Variants in IGF2BP1 observed in about 807,000 individuals in gnomAD.
The protein encoded by IGF2BP1 is insulin like growth factor 2 mRNA binding protein 1.
In IGF2BP1, 11 loss-of-function variants were observed where a neutral mutation model predicts 74.9. The observed-to-expected ratio is 0.15, with a 90% CI of 0.09 to 0.24. IGF2BP1 has a LOEUF of 0.24. Ranked by LOEUF, IGF2BP1 falls within the 10% of genes least tolerant of loss-of-function variation. IGF2BP1 has a pLI of 1.00. For synonymous variants in IGF2BP1, 287 were observed against 281.8 expected, an observed-to-expected ratio of 1.02 and a Z score of -0.18; for missense variants, 440 against 757.4, an observed-to-expected ratio of 0.58 and a Z score of 4.92.
chr17:49,023,203 A>G (rs374628803), intron 2 of IGF2BP1, among the ~76,000 whole-genome samples: 1 of 152,206 alleles, frequency 6.6e-6, no homozygotes, highest in Non-Finnish European at 1.5e-5. Context: ...GTCTGATGGC[A>G]TCTGGGGACC....
At chr17:49,039,583 C>G (rs1489223632) in intron 6 of IGF2BP1, among the ~76,000 whole-genome samples, 1 of 152,124 alleles carries the variant, frequency 6.6e-6, no homozygotes, top group Non-Finnish European at 1.5e-5. Context: ...CACCACCACA[C>G]CCAGCTAAAT....
chr17:49,012,197 G>A (rs765073983), intron 2 of IGF2BP1, among the ~76,000 whole-genome samples: 1 of 152,150 alleles, frequency 6.6e-6, no homozygotes. Context: ...GAGCCACCGT[G>A]CCCGGCCAGT....
At chr17:49,025,360 G>A (rs552880311) in intron 2 of IGF2BP1, among the ~76,000 whole-genome samples, 20 of 145,628 alleles carry the variant, frequency 1.4e-4, no homozygotes, top group Non-Finnish European at 2.4e-4. Context: ...GTGTGTGTTG[G>A]GAATGTTAAC....
At chr17:49,015,150 T>C (rs1183959662) in intron 2 of IGF2BP1, among the ~76,000 whole-genome samples, 1 of 152,128 alleles carries the variant, frequency 6.6e-6, no homozygotes, top group Non-Finnish European at 1.5e-5. Context: ...TTTTTGTATT[T>C]TTAGTAGAGA....
chr17:49,019,020 A>C (rs2041742364), intron 2 of IGF2BP1, among the ~76,000 whole-genome samples: 2 of 152,052 alleles, frequency 1.3e-5, no homozygotes, highest in Non-Finnish European at 2.9e-5. Context: ...ACCTGCTCCC[A>C]CCTTGCCCTC....
intron 14 of IGF2BP1, among the ~76,000 whole-genome samples, chr17:49,048,145 C>A (rs555182139): frequency 6.6e-6 from 1 of 152,016 alleles, no homozygotes; most frequent in Admixed American, 6.6e-5. Flanking sequence ...AGGGAAGAAC[C>A]TTTTAAGAAG....
chr17:49,040,080 G>A lies in IGF2BP1; in HGVS notation c.807G>A (p.Lys269=). The change falls in exon 7 of 15, where the codon AAG becomes AAA. Residue 269 remains lysine (K), a synonymous_variant. Coordinates refer to ENST00000290341, the MANE Select transcript of IGF2BP1 (RefSeq NM_006546.4). Reference sequence around the variant, plus strand: ...TGGAGATTATGCATAAAGAGGCTAAGGACACCAAAACGTAAGTCTCCAGCT... The same window carrying A: ...TGGAGATTATGCATAAAGAGGCTAAAGACACCAAAACGTAAGTCTCCAGCT... ...MILEIMHKEA[K]DTKTADEVPL... is the part of the protein sequence containing the mutation. 1.9e-6 allele frequency: 3 copies of A among 1,614,118 alleles called. No homozygotes were observed. Among genetic ancestry groups the A allele is most frequent in the Non-Finnish European group, 2.5e-6 (3 of 1,180,028 alleles).
chr17:49,024,225 G>C (rs770261323), intron 2 of IGF2BP1, among the ~76,000 whole-genome samples: 1 of 151,106 alleles, frequency 6.6e-6, no homozygotes, highest in Non-Finnish European at 1.5e-5. Context: ...GCCACCGCGC[G>C]TGGCTAAAAA....
At chr17:49,044,958 G>C (rs551956406) in intron 11 of IGF2BP1, 33 bp from the exon 12 acceptor site, 2 of 1,585,444 alleles carry the variant, frequency 1.3e-6, no homozygotes, top group African/African-American at 2.7e-5. Flanking sequence ...TTCCCATAGA[G>C]GGTCCCTCAT....
Position 49,041,458 on chromosome 17 carries a change from A to G in IGF2BP1, c.899A>G (p.Lys300Arg), listed in dbSNP as rs1326197559. The G allele has an allele frequency of 6.2e-7, 1 of 1,614,134 alleles. No individual in the cohort carries two copies. The highest frequency in any genetic ancestry group is 8.5e-7 in the Non-Finnish European group (1 of 1,180,030). The stretch of plus-strand genomic sequence containing the variant: ...ATTGGCAAGGAAGGACGGAACCTGA[A>G]GAAGGTAGAGCAAGATACCGAGACA... The part of the protein sequence containing the change: ...RLIGKEGRNL[K>R]KVEQDTETKI... Residue 300 changes from lysine (K) to arginine (R), a missense_variant, in exon 8 of 15, where the codon AAG becomes AGG. Lys to Arg is a conservative substitution (Grantham distance 26). Coordinates refer to ENST00000290341, the MANE Select transcript of IGF2BP1 (RefSeq NM_006546.4).
intron 2 of IGF2BP1, among the ~76,000 whole-genome samples, chr17:49,012,200 C>T (rs970765174): frequency 2.6e-5 from 4 of 152,112 alleles, no homozygotes; most frequent in Non-Finnish European, 5.9e-5. Flanking sequence ...CCACCGTGCC[C>T]GGCCAGTTGA....
At chr17:49,048,198 A>G (rs1339491668) in intron 14 of IGF2BP1, among the ~76,000 whole-genome samples, 2 of 151,944 alleles carry the variant, frequency 1.3e-5, no homozygotes, top group Admixed American at 1.3e-4. Context: ...TTTACAGTGA[A>G]GCTTATGTAT....
intron 2 of IGF2BP1, among the ~76,000 whole-genome samples, chr17:49,020,007 CACAT>C (rs1260050688): frequency 1.1e-5 from 1 of 90,352 alleles, no homozygotes; most frequent in Non-Finnish European, 2.1e-5. Context: ...CACACACACA[CACAT>C]ATATATACAC....
At chr17:48,997,362 CTTT>C (rs754623540), upstream of IGF2BP1, 7 of 109,260 alleles carry the variant, frequency 6.4e-5, no homozygotes, top group Admixed American at 9.4e-5. This position sits in a 1 kb window ranked among gnomAD's most constrained non-coding sequence, Gnocchi z 4.8. Flanking sequence ...GTGGCTTCTC[CTTT>C]TTTTTTTTTT....
intron 2 of IGF2BP1, among the ~76,000 whole-genome samples, chr17:49,006,871 T>G (rs1426231924): frequency 1.3e-5 from 2 of 152,212 alleles, no homozygotes; most frequent in Non-Finnish European, 1.5e-5. Context: ...GTACATTCTC[T>G]GAGACAGAGG....
At chr17:49,021,291 C>G (rs1014155440) in intron 2 of IGF2BP1, among the ~76,000 whole-genome samples, 1 of 152,162 alleles carries the variant, frequency 6.6e-6, no homozygotes, top group African/African-American at 2.4e-5. Flanking sequence ...ATCTCCCTCC[C>G]AGGGGCCCTG....
rs370618772 is a variant in IGF2BP1 at position 49,004,834 on chromosome 17, GTC to G, written c.236+5670_236+5671del. On this transcript the variant is annotated intron_variant, in intron 2 of 14. Coordinates refer to ENST00000290341, the MANE Select transcript of IGF2BP1 (RefSeq NM_006546.4). ...GTCAAAACAAAAAGCAGAAGGAAAG[GTC>G]TCTCAAACCTGTACTCAAGAAAGTG... The G allele has an allele frequency of 2.2e-4, 34 of 152,268 alleles. No individual in the cohort carries two copies. The East Asian group carries it at 6.0e-3, about 27-fold the overall frequency. 9.4% of individuals were successfully genotyped at this position (152,268 alleles called of 1,614,324 possible).
rs371385662 is a variant in IGF2BP1 at position 49,001,372 on chromosome 17, CTCT to C, written c.236+2208_236+2210del. Reference sequence around the variant, plus strand: ...TATACTCTTGTATTTTCCTTATGAACTCTTCTTGAGGCATTCAGTTCCAAATGA... The same window carrying C: ...TATACTCTTGTATTTTCCTTATGAACTCTTGAGGCATTCAGTTCCAAATGA... On this transcript the variant is annotated intron_variant, in intron 2 of 14. Coordinates refer to ENST00000290341, the MANE Select transcript of IGF2BP1 (RefSeq NM_006546.4). Among the ~76,000 whole-genome samples, 113 of 152,242 alleles carry C rather than the reference CTCT, an allele frequency of 7.4e-4. 2 individuals carry two copies. Among genetic ancestry groups the C allele is most frequent in the Middle Eastern group, 3.4e-3 (1 of 294 alleles).
intron 2 of IGF2BP1, among the ~76,000 whole-genome samples, chr17:49,002,096 C>G (rs909009668): frequency 2.0e-5 from 3 of 152,046 alleles, no homozygotes; most frequent in Non-Finnish European, 4.4e-5. Flanking sequence ...TTAAAGAATT[C>G]TAAGTTTGGT....
Sources: allele counts gnomAD v4.1 joint callset (sites outside exome capture counted in the v4.1 genomes callset), GRCh38; gene constraint gnomAD v4.1.1; non-coding constraint Gnocchi (gnomAD v3.1); transcripts MANE v1.5; gene names NCBI Gene and HGNC (gene_info 2026-07-23, HGNC 2026-07-21).